The following CPAP variants were observed in gnomAD, a reference collection of about 807,000 sequenced individuals.
CPAP encodes the protein centrosomal P4.1-associated protein.
At chr13:24,933,428 A>T in the CPAP span, 2 of 244,176 alleles carry the variant, frequency 8.2e-6, no homozygotes, top group African/African-American at 4.4e-5. Context: ...AGACCAGTCA[A>T]ATCTATTCTT....
chr13:24,891,459 G>A, the CPAP span, among the ~76,000 whole-genome samples: 9 of 152,260 alleles, frequency 5.9e-5, no homozygotes, highest in Non-Finnish European at 7.4e-5. Flanking sequence ...TGGTGGCCAT[G>A]TGCTCCCTTC....
chr13:24,911,595 G>A, the CPAP span, among the ~76,000 whole-genome samples: 2 of 151,982 alleles, frequency 1.3e-5, no homozygotes, highest in Non-Finnish European at 2.9e-5. Context: ...ATGCAGTGGT[G>A]CCATTATAGC....
the CPAP span, among the ~76,000 whole-genome samples, chr13:24,920,996 G>A: frequency 0.29 from 44,199 of 151,822 alleles, 6,617 homozygotes; most frequent in Admixed American, 0.38. Context: ...CATATTGGTC[G>A]TTATCCAGGA....
At chr13:24,927,466 A>G in the CPAP span, among the ~76,000 whole-genome samples, 7 of 152,218 alleles carry the variant, frequency 4.6e-5, no homozygotes, top group African/African-American at 9.6e-5. Flanking sequence ...CAGGCTATCA[A>G]TGCTAATTTG....
the CPAP span, among the ~76,000 whole-genome samples, chr13:24,913,877 T>C: frequency 1.3e-5 from 2 of 152,270 alleles, no homozygotes; most frequent in African/African-American, 4.8e-5. Context: ...AACTTTGCAC[T>C]GTGTGATAGA....
chr13:24,916,978 C>T, the CPAP span, among the ~76,000 whole-genome samples: 1 of 152,146 alleles, frequency 6.6e-6, no homozygotes, highest in Admixed American at 6.5e-5. Flanking sequence ...CGGCCCGGTG[C>T]GGTAGCTCAC....
chr13:24,927,726 T>C, the CPAP span, among the ~76,000 whole-genome samples: 1 of 152,188 alleles, frequency 6.6e-6, no homozygotes, highest in Non-Finnish European at 1.5e-5. Context: ...AAGGCTTTGC[T>C]CCCCAGTAGA....
At chr13:24,888,228 T>C in the CPAP span, among the ~76,000 whole-genome samples, 4 of 151,786 alleles carry the variant, frequency 2.6e-5, no homozygotes, top group African/African-American at 9.7e-5. Flanking sequence ...AAAAGACTAG[T>C]AAATTCAACA....
chr13:24,893,777 T>C, the CPAP span, among the ~76,000 whole-genome samples: 2 of 152,224 alleles, frequency 1.3e-5, no homozygotes, highest in Non-Finnish European at 2.9e-5. Flanking sequence ...AATGGTAAAA[T>C]ACAAGTCTAA....
At chr13:24,918,272 C>T in the CPAP span, among the ~76,000 whole-genome samples, 3 of 152,078 alleles carry the variant, frequency 2.0e-5, no homozygotes, top group African/African-American at 7.2e-5. Flanking sequence ...TTTGCTGTGG[C>T]AAAGCGAACA....
the CPAP span, among the ~76,000 whole-genome samples, chr13:24,914,813 C>T: frequency 0.044 from 6,718 of 152,098 alleles, 467 homozygotes; most frequent in African/African-American, 0.15. Context: ...GTAACTCACG[C>T]CATAATCCCA....
At chr13:24,893,164 T>C in the CPAP span, among the ~76,000 whole-genome samples, 2 of 152,032 alleles carry the variant, frequency 1.3e-5, no homozygotes, top group Admixed American at 1.3e-4. Context: ...ACCTGAGCTA[T>C]TAACTGAAAG....
chr13:24,913,944 T>G, the CPAP span, among the ~76,000 whole-genome samples: 1 of 152,210 alleles, frequency 6.6e-6, no homozygotes, highest in South Asian at 2.1e-4. Context: ...TGTGTCTGAT[T>G]TTACTCAACT....
the CPAP span, among the ~76,000 whole-genome samples, chr13:24,883,743 C>G: frequency 6.6e-6 from 1 of 152,126 alleles, no homozygotes; most frequent in South Asian, 2.1e-4. Context: ...GGGGCATGAT[C>G]AGACTTAAAA....
chr13:24,929,813 C>T, the CPAP span, among the ~76,000 whole-genome samples: 1 of 151,342 alleles, frequency 6.6e-6, no homozygotes, highest in Non-Finnish European at 1.5e-5. Context: ...CTTTTACTTT[C>T]TGCTCCTTAG....
chr13:24,915,182 T>G, the CPAP span, among the ~76,000 whole-genome samples: 1 of 152,146 alleles, frequency 6.6e-6, no homozygotes, highest in African/African-American at 2.4e-5. Context: ...TCTACCAACC[T>G]CCAGAGATCA....
At chr13:24,903,077 T>G in the CPAP span, among the ~76,000 whole-genome samples, 2 of 152,142 alleles carry the variant, frequency 1.3e-5, no homozygotes, top group Admixed American at 6.5e-5. Flanking sequence ...TACGTAAAAT[T>G]TATATAGAGA....
At chr13:24,901,992 AAAAAAT>A in the CPAP span, among the ~76,000 whole-genome samples, 3 of 152,168 alleles carry the variant, frequency 2.0e-5, no homozygotes, top group Non-Finnish European at 2.9e-5. Context: ...CCCTGTCTCA[AAAAAAT>A]AAAAATAAAA....
chr13:24,886,824 C>T, the CPAP span, among the ~76,000 whole-genome samples: 1 of 152,178 alleles, frequency 6.6e-6, no homozygotes, highest in Non-Finnish European at 1.5e-5. Context: ...AGGTTGTCAA[C>T]TAATAAAAGG....
Sources: gnomAD v4.1 joint callset for allele counts (sites outside exome capture counted in the v4.1 genomes callset) on GRCh38, gnomAD v4.1.1 for gene constraint, MANE v1.5 for transcripts, NCBI Gene and HGNC (gene_info 2026-07-23, HGNC 2026-07-21) for gene names.